Variants in EPHB2 observed in about 807,000 individuals in gnomAD.
EPHB2 encodes the protein EPH receptor B2, also known as ephrin type-B receptor 2.
EPHB2 carries 18 observed loss-of-function variants against 96.4 expected under a neutral mutation model. The observed-to-expected ratio is 0.19, with a 90% CI of 0.13 to 0.28. EPHB2 has a LOEUF of 0.28. EPHB2 is among the 10% of genes least tolerant of loss of function. The probability of loss-of-function intolerance (pLI) is 1.00; values close to 1 mark genes in which losing one functional copy is unlikely to be tolerated. For missense variants in EPHB2, 989 were observed against 1,355.4 expected (o/e 0.73, Z 4.25); for synonymous variants, 506 against 534.1 (o/e 0.95, Z 0.72).
At chr1:22,764,894 GA>G (rs1445136072) in intron 1 of EPHB2, among the ~76,000 whole-genome samples, 1 of 152,204 alleles carries the variant, frequency 6.6e-6, no homozygotes, top group Non-Finnish European at 1.5e-5. Context: ...GCAGATACAA[GA>G]ACTGCTTGAT....
At chr1:22,907,816 A>C (rs1478176983) in intron 11 of EPHB2, 137 bp from the exon 12 acceptor site, 3 of 1,070,594 alleles carry the variant, frequency 2.8e-6, no homozygotes, top group Non-Finnish European at 4.3e-6. Context: ...TGGGGTCCCA[A>C]AGCATCTGAG....
At chr1:22,787,024 C>T (rs1171693278) in intron 3 of EPHB2, among the ~76,000 whole-genome samples, 1 of 152,168 alleles carries the variant, frequency 6.6e-6, no homozygotes, top group Non-Finnish European at 1.5e-5. Flanking sequence ...TTTGTTCAGT[C>T]ATCAAACTTT....
At chr1:22,829,884 A>T (rs1028245718) in intron 3 of EPHB2, among the ~76,000 whole-genome samples, 1 of 152,164 alleles carries the variant, frequency 6.6e-6, no homozygotes, top group Non-Finnish European at 1.5e-5. Context: ...TGTGTTCAGG[A>T]ATCATTAGGA....
chr1:22,811,241 C>T (rs1359229380), intron 3 of EPHB2, among the ~76,000 whole-genome samples: 1 of 152,120 alleles, frequency 6.6e-6, no homozygotes, highest in African/African-American at 2.4e-5. Flanking sequence ...GTACCACTGG[C>T]GTAGGAGATC....
At chr1:22,802,202 C>T (rs946908848) in intron 3 of EPHB2, among the ~76,000 whole-genome samples, 2 of 151,982 alleles carry the variant, frequency 1.3e-5, no homozygotes, top group Non-Finnish European at 2.9e-5. Context: ...ATAGGAGGCC[C>T]ATGGGGGAAA....
At chr1:22,772,528 CT>C (rs1231616338) in intron 1 of EPHB2, among the ~76,000 whole-genome samples, 1 of 152,214 alleles carries the variant, frequency 6.6e-6, no homozygotes, top group East Asian at 1.9e-4. Context: ...GTAGATTTCA[CT>C]TTAGAAAATC....
chr1:22,912,214 G>GCA (rs573919084), intron 14 of EPHB2, among the ~76,000 whole-genome samples: 189 of 152,216 alleles, frequency 1.2e-3, no homozygotes, highest in Non-Finnish European at 2.3e-3. Flanking sequence ...TTTGAGTTCT[G>GCA]CACACACACT....
At chr1:22,891,922 G>T (rs1639403070) in intron 6 of EPHB2, among the ~76,000 whole-genome samples, 2 of 151,534 alleles carry the variant, frequency 1.3e-5, no homozygotes, top group African/African-American at 4.9e-5. Context: ...AGCCTCCCAA[G>T]TAGCTGGGAC....
At chr1:22,806,936 C>A (rs530895170) in intron 3 of EPHB2, among the ~76,000 whole-genome samples, 1 of 151,314 alleles carries the variant, frequency 6.6e-6, no homozygotes, top group East Asian at 2.0e-4. Context: ...CACAGAGGTG[C>A]CTTTATTATC....
chr1:22,732,582 T>A (rs972450753), intron 1 of EPHB2, among the ~76,000 whole-genome samples: 1 of 152,222 alleles, frequency 6.6e-6, no homozygotes, highest in South Asian at 2.1e-4. Flanking sequence ...TCTAGATTTT[T>A]AAAGCTGCCT....
chr1:22,771,547 C>T (rs980442197), intron 1 of EPHB2, among the ~76,000 whole-genome samples: 2 of 152,196 alleles, frequency 1.3e-5, no homozygotes, highest in Non-Finnish European at 2.9e-5. Flanking sequence ...CTTCATTAGC[C>T]AGCCTGAGGG....
chr1:22,799,892 C>G (rs1013679695), intron 3 of EPHB2, among the ~76,000 whole-genome samples: 1 of 152,232 alleles, frequency 6.6e-6, no homozygotes, highest in African/African-American at 2.4e-5. Flanking sequence ...CAGGGTTATA[C>G]TGGCTCCTTC....
At chr1:22,826,185 G>T (rs1047248713) in intron 3 of EPHB2, among the ~76,000 whole-genome samples, 58 of 152,272 alleles carry the variant, frequency 3.8e-4, no homozygotes, top group African/African-American at 1.3e-3. Context: ...CTTCCTTCAG[G>T]CAGTGAGTCT....
At position 22,781,581 on chromosome 1, in the gene EPHB2, C is replaced by G; in HGVS notation, c.126+96C>G. On this transcript the variant is annotated intron_variant, in intron 2 of 15. Coordinates refer to ENST00000374630, the MANE Select transcript of EPHB2 (RefSeq NM_017449.5). The stretch of plus-strand genomic sequence containing the variant: ...CCCCCTCATATTCTAACCCCTTTCC[C>G]CCTCTTCAGGACCCAGAGCCAGGCC... 4.7e-6 allele frequency: 6 copies of G among 1,284,330 alleles called. No individual in the cohort carries two copies. The South Asian group carries it at 5.0e-5, about 11-fold the overall frequency. The allele number at this position is 1,284,330 out of a possible 1,614,324, so 79.6% of individuals were successfully genotyped here. A position where few individuals can be genotyped will look rare whatever the true frequency, so the allele number is the denominator to read the frequency against.
chr1:22,810,244 C>G (rs1396735647), intron 3 of EPHB2, among the ~76,000 whole-genome samples: 1 of 152,128 alleles, frequency 6.6e-6, no homozygotes, highest in Non-Finnish European at 1.5e-5. Flanking sequence ...CCAACATGAT[C>G]CTACGGCAGG....
chr1:22,761,208 A>G (rs931340500), intron 1 of EPHB2, among the ~76,000 whole-genome samples: 4 of 152,236 alleles, frequency 2.6e-5, no homozygotes, highest in African/African-American at 9.7e-5. Context: ...TGTGATGCAC[A>G]GCCAGCTGCT....
Position 22,913,108 on chromosome 1 carries a change from G to T in EPHB2, c.2853-354G>T. 2.6e-6 allele frequency: 1 copy of T among 377,716 alleles called. No individual in the cohort carries two copies. The highest frequency in any genetic ancestry group is 5.1e-6 in the Non-Finnish European group (1 of 197,538). The allele number at this position is 377,716 out of a possible 1,614,324, so 23.4% of individuals were successfully genotyped here. A position where few individuals can be genotyped will look rare whatever the true frequency, so the allele number is the denominator to read the frequency against. ...CTCGGGAGGCTGAGGCAGGGGAATT[G>T]CTTGAACCAAGGAGGTAGAGGTTGC... On this transcript the variant is annotated intron_variant, in intron 15 of 15. Transcript: ENST00000374630. This position sits in a 1 kb window ranked among gnomAD's most constrained non-coding sequence, Gnocchi z 4.1.
intron 1 of EPHB2, among the ~76,000 whole-genome samples, chr1:22,749,774 G>T (rs772979400): frequency 2.6e-5 from 4 of 152,106 alleles, no homozygotes; most frequent in Non-Finnish European, 5.9e-5. Flanking sequence ...CCTCCATTGG[G>T]TTCCAGACCC....
Position 22,906,140 on chromosome 1 carries a change from G to A in EPHB2, c.1888+31G>A. On this transcript the variant is annotated intron_variant, in intron 10 of 15. Transcript: ENST00000374630. The surrounding 1 kb of genome is among the most constrained non-coding windows in gnomAD (Gnocchi z 4.8). ...TGGCTGGTACTCTCACATGTACTAT[G>A]ACCTTAGCCATGGCTGGTGAGACCA... 1.2e-6 allele frequency: 2 copies of A among 1,614,076 alleles called. No individual in the cohort carries two copies. Among genetic ancestry groups the A allele is most frequent in the Non-Finnish European group, 1.7e-6 (2 of 1,180,016 alleles).
Sources: allele counts gnomAD v4.1 joint callset (sites outside exome capture counted in the v4.1 genomes callset), GRCh38; gene constraint gnomAD v4.1.1; non-coding constraint Gnocchi (gnomAD v3.1); transcripts MANE v1.5; gene names NCBI Gene and HGNC (gene_info 2026-07-23, HGNC 2026-07-21).